Variants in AUTS2 observed in about 807,000 individuals in gnomAD.
AUTS2 encodes the protein autism susceptibility gene 2 protein.
A neutral mutation model predicts 112.4 loss-of-function variants in AUTS2; 17 were observed. The observed-to-expected ratio is 0.15, with a 90% CI of 0.10 to 0.23. The LOEUF (loss-of-function observed/expected upper bound fraction) is 0.23, where lower values mean the gene tolerates loss of function less well. Among genes scored for constraint, AUTS2 ranks in the 10% least tolerant of loss-of-function variants. The pLI is 1.00. For missense variants in AUTS2, 1,510 were observed against 1,701.6 expected, an observed-to-expected ratio of 0.89 and a Z score of 1.98; for synonymous variants, 751 against 702.7, an observed-to-expected ratio of 1.07 and a Z score of -1.09.
At chr7:70,251,496 G>A (rs370964243) in intron 4 of AUTS2, among the ~76,000 whole-genome samples, 2 of 152,016 alleles carry the variant, frequency 1.3e-5, no homozygotes, top group East Asian at 3.9e-4. Flanking sequence ...TTGTATCTTT[G>A]GATTGATATT....
intron 2 of AUTS2, among the ~76,000 whole-genome samples, chr7:70,098,767 A>G (rs1325521137): frequency 6.6e-6 from 1 of 151,266 alleles, no homozygotes; most frequent in African/African-American, 2.4e-5. Flanking sequence ...CAATGTCACA[A>G]TCTCGGCTCA....
chr7:69,717,896 T>G (rs901126664), intron 1 of AUTS2, among the ~76,000 whole-genome samples: 1 of 152,166 alleles, frequency 6.6e-6, no homozygotes, highest in Non-Finnish European at 1.5e-5. Context: ...TATTAAGAGA[T>G]AAGACCATTT....
Position 70,491,541 on chromosome 7 carries a change from CAT to C in AUTS2, c.690+55765_690+55766del, listed in dbSNP as rs1415930845. 2.1e-4 allele frequency among the ~76,000 whole-genome samples: 30 copies of C among 140,164 alleles called. No homozygotes were observed. The South Asian group carries it at 2.9e-3, about 13-fold the overall frequency. 92.0% of individuals were successfully genotyped at this position (140,164 alleles called of 152,430 possible). On this transcript the variant is annotated intron_variant, in intron 5 of 18. Coordinates refer to ENST00000342771, the MANE Select transcript of AUTS2 (RefSeq NM_015570.4). The stretch of plus-strand genomic sequence containing the variant: ...ATACACACAATATATTATATATACA[CAT>C]ATATGTTATATATAATATATTATGT...
At chr7:69,824,750 A>G (rs971423766) in intron 1 of AUTS2, 1 of 152,152 alleles carries the variant, frequency 6.6e-6, no homozygotes, top group Non-Finnish European at 1.5e-5. Flanking sequence ...TTCATTGGCC[A>G]TACTTCTCCT....
At chr7:70,742,295 C>A (rs553646460) in intron 6 of AUTS2, among the ~76,000 whole-genome samples, 1 of 152,124 alleles carries the variant, frequency 6.6e-6, no homozygotes, top group Non-Finnish European at 1.5e-5. Context: ...AGTCTCCCCC[C>A]GCCAGAGGAA....
chr7:69,609,848 C>G (rs1792934536), intron 1 of AUTS2, among the ~76,000 whole-genome samples: 1 of 152,198 alleles, frequency 6.6e-6, no homozygotes. Context: ...CATAGCCATT[C>G]ATATAATGAA....
At chr7:69,866,547 A>G (rs963036126) in intron 1 of AUTS2, among the ~76,000 whole-genome samples, 1 of 152,198 alleles carries the variant, frequency 6.6e-6, no homozygotes, top group South Asian at 2.1e-4. Flanking sequence ...TTTTGATAGC[A>G]TATTCCTTTT....
At chr7:70,122,319 A>G (rs1805723973) in intron 3 of AUTS2, among the ~76,000 whole-genome samples, 1 of 152,222 alleles carries the variant, frequency 6.6e-6, no homozygotes, top group African/African-American at 2.4e-5. Flanking sequence ...ACTGAATTAC[A>G]CAATTAAAAA....
intron 1 of AUTS2, among the ~76,000 whole-genome samples, chr7:69,611,471 C>G (rs1793028835): frequency 6.6e-6 from 1 of 152,116 alleles, no homozygotes; most frequent in South Asian, 2.1e-4. Context: ...CCAGATTGTT[C>G]CAGGTCACCT....
chr7:69,699,186 A>G lies in AUTS2; in HGVS notation c.309+99224A>G, dbSNP rs115825122. Among the ~76,000 whole-genome samples the G allele has an allele frequency of 6.4e-3, 969 of 152,220 alleles. 7 individuals are homozygous for G. The highest frequency in any genetic ancestry group is 0.022 in the African/African-American group (901 of 41,520). On this transcript the variant is annotated intron_variant, in intron 1 of 18. Transcript: ENST00000342771. ...GGGATTGATGGGCATTTTTGCTGGT[A>G]TCTTATTATTGTTCATTTCTGAGTA...
At chr7:70,045,403 G>A (rs1420428436) in intron 2 of AUTS2, among the ~76,000 whole-genome samples, 2 of 151,822 alleles carry the variant, frequency 1.3e-5, no homozygotes, top group African/African-American at 4.8e-5. Flanking sequence ...GAATTTATAG[G>A]TCCTCTTTAA....
chr7:69,633,567 G>A (rs964896913), intron 1 of AUTS2, among the ~76,000 whole-genome samples: 11 of 151,934 alleles, frequency 7.2e-5, no homozygotes, highest in Non-Finnish European at 1.0e-4. Context: ...CCCACCAACC[G>A]TATACAAGAG....
chr7:70,096,264 AC>A (rs1483062535), intron 2 of AUTS2, among the ~76,000 whole-genome samples: 2 of 152,268 alleles, frequency 1.3e-5, no homozygotes, highest in South Asian at 2.1e-4. Flanking sequence ...CATCACATGT[AC>A]CCTGAAACTA....
intron 5 of AUTS2, among the ~76,000 whole-genome samples, chr7:70,613,882 A>G (rs994233741): frequency 6.6e-6 from 1 of 152,208 alleles, no homozygotes; most frequent in Non-Finnish European, 1.5e-5. Context: ...CCTTTTCATC[A>G]ACATGCATTC....
intron 6 of AUTS2, among the ~76,000 whole-genome samples, chr7:70,726,016 C>G (rs935969161): frequency 2.3e-4 from 32 of 139,140 alleles, no homozygotes; most frequent in Non-Finnish European, 3.6e-4. Context: ...AGTGAGACTC[C>G]ATTTCAAAAA....
chr7:69,872,203 G>A (rs1793529602), intron 1 of AUTS2, among the ~76,000 whole-genome samples: 1 of 152,222 alleles, frequency 6.6e-6, no homozygotes, highest in African/African-American at 2.4e-5. Flanking sequence ...AGATAAGGAA[G>A]CACAGCAGAG....
intron 4 of AUTS2, among the ~76,000 whole-genome samples, chr7:70,234,093 T>C (rs1812195272): frequency 6.6e-6 from 1 of 152,224 alleles, no homozygotes; most frequent in Non-Finnish European, 1.5e-5. Context: ...AACCAAGCTG[T>C]GGGCATTTAA....
At chr7:69,663,497 A>G (rs962446252) in intron 1 of AUTS2, among the ~76,000 whole-genome samples, 1 of 152,214 alleles carries the variant, frequency 6.6e-6, no homozygotes, top group African/African-American at 2.4e-5. Context: ...GCTGAATTAC[A>G]TTGAATTCAT....
intron 2 of AUTS2, among the ~76,000 whole-genome samples, chr7:70,042,636 A>C (rs749966904): frequency 6.6e-6 from 1 of 152,190 alleles, no homozygotes; most frequent in African/African-American, 2.4e-5. Flanking sequence ...CTTGCACCAG[A>C]TGGCACTGTT....
Sources: gnomAD v4.1 joint callset for allele counts (sites outside exome capture counted in the v4.1 genomes callset) on GRCh38, gnomAD v4.1.1 for gene constraint, MANE v1.5 for transcripts, NCBI Gene and HGNC (gene_info 2026-07-23, HGNC 2026-07-21) for gene names.